The following DCC variants were observed in gnomAD, a reference collection of about 807,000 sequenced individuals.
DCC encodes netrin receptor DCC.
Under a neutral mutation model 172.5 loss-of-function variants are expected in DCC, and 58 were observed. The ratio of observed to expected loss-of-function variants is 0.34; its 90% confidence interval spans 0.27 to 0.42. The LOEUF (loss-of-function observed/expected upper bound fraction) is 0.42. DCC is among the 10% of genes least tolerant of loss of function. DCC has a pLI of 1.00. For missense variants in DCC, 1,740 were observed against 1,791.0 expected (o/e 0.97, Z 0.51); for synonymous variants, 709 against 644.5 (o/e 1.10, Z -1.52).
chr18:52,608,619 T>C (rs1429759680), intron 1 of DCC, among the ~76,000 whole-genome samples: 2 of 152,156 alleles, frequency 1.3e-5, no homozygotes, highest in East Asian at 1.9e-4. Context: ...AAGAACCACA[T>C]AGGAGAAGTA....
chr18:52,932,794 T>TA (rs1316170892), intron 5 of DCC, among the ~76,000 whole-genome samples: 2 of 152,096 alleles, frequency 1.3e-5, no homozygotes, highest in African/African-American at 4.8e-5. Flanking sequence ...TGTGCATACA[T>TA]ATACATAAAC....
intron 15 of DCC, among the ~76,000 whole-genome samples, chr18:53,345,189 A>C (rs1423250676): frequency 6.6e-6 from 1 of 151,836 alleles, no homozygotes; most frequent in African/African-American, 2.4e-5. Context: ...AATTTTAGCA[A>C]CTATTTAAAT....
intron 1 of DCC, among the ~76,000 whole-genome samples, chr18:52,595,390 C>T (rs371783341): frequency 2.0e-5 from 3 of 152,054 alleles, no homozygotes; most frequent in Non-Finnish European, 4.4e-5. Context: ...CACTCTGTTC[C>T]TCATTATAAT....
intron 27 of DCC, among the ~76,000 whole-genome samples, chr18:53,508,147 C>T (rs2046205695): frequency 6.6e-6 from 1 of 152,184 alleles, no homozygotes; most frequent in Middle Eastern, 3.4e-3. Flanking sequence ...CCCGCCTCGG[C>T]CTCCCAAAGT....
chr18:52,963,089 CTTAAA>C (rs746468735), intron 5 of DCC, among the ~76,000 whole-genome samples: 1,941 of 151,430 alleles, frequency 0.013, 55 homozygotes, highest in African/African-American at 0.045. Context: ...TACCCTAAAA[CTTAAA>C]TTATAATTAT....
intron 11 of DCC, 108 bp downstream of exon 11, chr18:53,207,925 A>G: frequency 9.9e-7 from 1 of 1,005,904 alleles, no homozygotes; most frequent in Non-Finnish European, 1.6e-6. Context: ...CTTCCTGACT[A>G]AAATTTTATG....
intron 12 of DCC, among the ~76,000 whole-genome samples, chr18:53,237,752 C>A (rs868696564): frequency 2.9e-4 from 44 of 152,078 alleles, no homozygotes; most frequent in African/African-American, 1.1e-3. Flanking sequence ...TTTACAAAAT[C>A]ATTATTGAGT....
chr18:53,409,870 G>A (rs1367710648), intron 19 of DCC, among the ~76,000 whole-genome samples: 1 of 152,132 alleles, frequency 6.6e-6, no homozygotes, highest in Non-Finnish European at 1.5e-5. Flanking sequence ...ACATAGTCTG[G>A]TGGTAAAGAA....
chr18:53,159,008 A>AAAAAAAAAAAAAAAAG lies in DCC; in HGVS notation c.1418+1496_1418+1497insAAAAAAAAAAAAAAAG, dbSNP rs34406723. ...CATCTCAAAAAAAAAAAAAAAAAGAAGAAGATGTAGGCATACCCATATTGC... is the reference window on the plus strand; with the variant it reads ...CATCTCAAAAAAAAAAAAAAAAAGAAAAAAAAAAAAAAAAAGGAAGATGTAGGCATACCCATATTGC... On this transcript the variant is annotated intron_variant, in intron 8 of 28. Coordinates refer to ENST00000442544, the MANE Select transcript of DCC (RefSeq NM_005215.4). Among the ~76,000 whole-genome samples the AAAAAAAAAAAAAAAAG allele has an allele frequency of 1.3e-3, 155 of 119,138 alleles. 17 individuals carry two copies. The highest frequency in any genetic ancestry group is 5.8e-3 in the East Asian group (19 of 3,270). 78.2% of individuals were successfully genotyped at this position (119,138 alleles called of 152,430 possible).
At chr18:53,194,761 C>T (rs887453206) in intron 9 of DCC, among the ~76,000 whole-genome samples, 3 of 152,280 alleles carry the variant, frequency 2.0e-5, no homozygotes, top group East Asian at 1.9e-4. Flanking sequence ...TGAGCCACCA[C>T]GCCCGGCCCA....
intron 1 of DCC, among the ~76,000 whole-genome samples, chr18:52,512,161 T>C (rs971420925): frequency 6.6e-6 from 1 of 152,188 alleles, no homozygotes; most frequent in African/African-American, 2.4e-5. Flanking sequence ...ATTAGGGGCT[T>C]AGGACTCACC....
At chr18:53,334,489 T>G (rs1390147974) in intron 14 of DCC, among the ~76,000 whole-genome samples, 1 of 152,182 alleles carries the variant, frequency 6.6e-6, no homozygotes, top group African/African-American at 2.4e-5. Flanking sequence ...TTAAGCACAT[T>G]CATGTTGTCA....
chr18:53,187,627 C>A (rs978468922), intron 9 of DCC, among the ~76,000 whole-genome samples: 3 of 152,086 alleles, frequency 2.0e-5, no homozygotes, highest in African/African-American at 7.2e-5. Context: ...TTTATGGATT[C>A]TTTTAACTGC....
chr18:52,524,428 A>C (rs1414477944), intron 1 of DCC, among the ~76,000 whole-genome samples: 1 of 152,200 alleles, frequency 6.6e-6, no homozygotes, highest in Non-Finnish European at 1.5e-5. Context: ...CCCTTGAAGA[A>C]GCTCCTGCTT....
intron 27 of DCC, among the ~76,000 whole-genome samples, chr18:53,511,451 G>T (rs183660239): frequency 1.3e-5 from 2 of 152,326 alleles, no homozygotes. Context: ...ATAGAGGGTC[G>T]AGAAGCCAAG....
intron 7 of DCC, among the ~76,000 whole-genome samples, chr18:53,133,448 G>A (rs1290678247): frequency 6.6e-6 from 1 of 152,158 alleles, no homozygotes; most frequent in East Asian, 1.9e-4. Flanking sequence ...GTTGGACTGA[G>A]TTCAGTGGTA....
intron 1 of DCC, among the ~76,000 whole-genome samples, chr18:52,601,747 C>A (rs772852057): frequency 6.6e-6 from 1 of 151,928 alleles, no homozygotes; most frequent in African/African-American, 2.4e-5. Context: ...GTTCTTAGAT[C>A]TTTTTGCATG....
intron 7 of DCC, among the ~76,000 whole-genome samples, chr18:53,093,858 C>T (rs968789190): frequency 6.6e-6 from 1 of 152,178 alleles, no homozygotes; most frequent in Non-Finnish European, 1.5e-5. Flanking sequence ...TGACCTTGCT[C>T]TACTCTCTCA....
chr18:52,983,810 A>G (rs910953901), intron 5 of DCC, among the ~76,000 whole-genome samples: 2 of 152,146 alleles, frequency 1.3e-5, no homozygotes, highest in African/African-American at 4.8e-5. Context: ...AGAAGACAAA[A>G]TAGGGCACGG....
Sources: allele counts gnomAD v4.1 joint callset (sites outside exome capture counted in the v4.1 genomes callset), GRCh38; gene constraint gnomAD v4.1.1; transcripts MANE v1.5; gene names NCBI Gene and HGNC (gene_info 2026-07-23, HGNC 2026-07-21).